Variants in FYN observed in about 807,000 individuals in gnomAD.
The protein encoded by FYN is tyrosine-protein kinase Fyn.
A neutral mutation model predicts 70.2 loss-of-function variants in FYN; 10 were observed. The ratio of observed to expected loss-of-function variants is 0.14; its 90% CI spans 0.09 to 0.24. The LOEUF (loss-of-function observed/expected upper bound fraction) is 0.24, where lower values mean the gene tolerates loss of function less well. Ranked by LOEUF, FYN falls within the 10% of genes least tolerant of loss-of-function variation. The pLI, the probability that FYN is intolerant of heterozygous loss-of-function variation, is 1.00. For synonymous variants in FYN, 236 were observed against 248.6 expected (o/e 0.95, Z 0.48); for missense variants, 319 against 673.1 (o/e 0.47, Z 5.82).
intron 2 of FYN, among the ~76,000 whole-genome samples, chr6:111,789,424 A>C (rs1421029048): frequency 6.6e-6 from 1 of 152,164 alleles, no homozygotes; most frequent in Non-Finnish European, 1.5e-5. Flanking sequence ...CCCCCAGGCA[A>C]TAGTAGTAGT....
At chr6:111,666,287 G>A (rs568076302) in intron 13 of FYN, among the ~76,000 whole-genome samples, 1 of 152,272 alleles carries the variant, frequency 6.6e-6, no homozygotes, top group East Asian at 1.9e-4. Flanking sequence ...TTCAACAGGA[G>A]GGGAGATCCT....
At chr6:111,735,742 C>A (rs1801681219) in intron 3 of FYN, among the ~76,000 whole-genome samples, 1 of 152,116 alleles carries the variant, frequency 6.6e-6, no homozygotes, top group African/African-American at 2.4e-5. Context: ...CTATGACTTC[C>A]TAAGTGGACC....
At chr6:111,699,332 T>A (rs943802971) in intron 9 of FYN, among the ~76,000 whole-genome samples, 2 of 152,082 alleles carry the variant, frequency 1.3e-5, no homozygotes, top group African/African-American at 2.4e-5. Context: ...ATTAACCACA[T>A]GAAGTAGGAC....
chr6:111,786,107 C>G (rs34637214), intron 2 of FYN, among the ~76,000 whole-genome samples: 1 of 151,586 alleles, frequency 6.6e-6, no homozygotes, highest in South Asian at 2.1e-4. Flanking sequence ...ATGTGCACAA[C>G]GTGCAGGTTT....
rs78392034 is a variant in FYN, at chr6:111,665,118, T to C, written c.1406-3171A>G. On this transcript the variant is annotated intron_variant, in intron 13 of 13. Transcript: ENST00000354650. ...GAGTATCCCTTCTCTGAAATGCTTA[T>C]GATCAGGAGTGTTTTAAATTTCAGA... is the stretch of plus-strand genomic sequence containing the variant. 1.0e-3 allele frequency among the ~76,000 whole-genome samples: 157 copies of C among 152,330 alleles called. 2 individuals are homozygous for C. In the East Asian group the frequency reaches 0.022, roughly 22 times the overall value.
At chr6:111,842,934 A>C (rs942667476) in intron 2 of FYN, among the ~76,000 whole-genome samples, 1 of 152,252 alleles carries the variant, frequency 6.6e-6, no homozygotes, top group Non-Finnish European at 1.5e-5. Context: ...TCACTCACTC[A>C]GAGGAAAAGT....
intron 3 of FYN, chr6:111,754,312 C>A (rs943120404): frequency 6.6e-6 from 1 of 152,184 alleles, no homozygotes; most frequent in South Asian, 2.1e-4. Flanking sequence ...TGACCCACAG[C>A]CAACTCCCGG....
chr6:111,808,333 T>C (rs1442294089), intron 2 of FYN, among the ~76,000 whole-genome samples: 1 of 152,162 alleles, frequency 6.6e-6, no homozygotes, highest in Non-Finnish European at 1.5e-5. Context: ...CCCCCTGGGC[T>C]AGTATTGAGG....
At chr6:111,833,893 T>C (rs1010348610) in intron 2 of FYN, among the ~76,000 whole-genome samples, 3 of 152,126 alleles carry the variant, frequency 2.0e-5, no homozygotes, top group Admixed American at 1.3e-4. Context: ...ACTATTTAAA[T>C]AGCAAAACTG....
chr6:111,862,891 G>A (rs995124871), intron 1 of FYN, among the ~76,000 whole-genome samples: 3 of 152,184 alleles, frequency 2.0e-5, no homozygotes, highest in African/African-American at 7.2e-5. Flanking sequence ...AGGGAAGGAC[G>A]GGGGATTCCG....
intron 2 of FYN, among the ~76,000 whole-genome samples, chr6:111,791,750 TGA>T (rs1275949212): frequency 2.0e-5 from 3 of 152,330 alleles, no homozygotes; most frequent in East Asian, 3.9e-4. Flanking sequence ...TCCAGAATCA[TGA>T]GAGAATAAAT....
chr6:111,677,876 A>G (rs763621692), intron 12 of FYN, among the ~76,000 whole-genome samples: 4 of 152,172 alleles, frequency 2.6e-5, no homozygotes, highest in African/African-American at 4.8e-5. Context: ...AGCAGGATTT[A>G]GATATGAAAA....
chr6:111,838,451 C>G (rs915872144), intron 2 of FYN, among the ~76,000 whole-genome samples: 6 of 152,196 alleles, frequency 3.9e-5, no homozygotes, highest in African/African-American at 9.7e-5. Flanking sequence ...AAACCCTGGT[C>G]CAAGTGATAA....
At chr6:111,699,539 CCT>C in intron 9 of FYN, 1 of 1,614,020 alleles carries the variant, frequency 6.2e-7, no homozygotes, top group Non-Finnish European at 8.5e-7. Context: ...GCGAAACACC[CCT>C]GACCCAGCTT....
intron 3 of FYN, chr6:111,760,073 A>C (rs983404985): frequency 2.6e-5 from 4 of 152,166 alleles, no homozygotes; most frequent in African/African-American, 9.7e-5. Context: ...ATATTTTACA[A>C]ATATGAAGTG....
rs528470847 is a variant in FYN, at chr6:111,729,350, T to C, written c.-11-9288A>G. Among the ~76,000 whole-genome samples, 640 of 152,006 alleles carry C rather than the reference T, an allele frequency of 4.2e-3. 1 individual carries two copies. Among genetic ancestry groups the C allele is most frequent in the African/African-American group, 0.015 (611 of 41,466 alleles). On this transcript the variant is annotated intron_variant, in intron 3 of 13. Transcript: ENST00000354650. Reference sequence around the variant, plus strand: ...TTAGATGGGTGTGGTGGCAGGCACCTGTAAACCTAGCTACTCGAGTGGCTG... The same window carrying C: ...TTAGATGGGTGTGGTGGCAGGCACCCGTAAACCTAGCTACTCGAGTGGCTG...
chr6:111,780,912 T>C (rs1350205917), intron 2 of FYN: 1 of 152,164 alleles, frequency 6.6e-6, no homozygotes, highest in Non-Finnish European at 1.5e-5. Context: ...CCCTTTGAAA[T>C]ATTTGAAGAC....
At chr6:111,788,292 T>C (rs181785165) in intron 2 of FYN, among the ~76,000 whole-genome samples, 216 of 152,338 alleles carry the variant, frequency 1.4e-3, no homozygotes, top group African/African-American at 5.0e-3. Flanking sequence ...TCTGACCCAA[T>C]GCCTTGCACA....
intron 2 of FYN, chr6:111,793,707 C>G (rs1310842980): frequency 6.6e-6 from 1 of 152,342 alleles, no homozygotes; most frequent in East Asian, 1.9e-4. Context: ...GGCTGTCCCC[C>G]AGTCTTGGGG....
Sources: gnomAD v4.1 joint callset for allele counts (sites outside exome capture counted in the v4.1 genomes callset) on GRCh38, gnomAD v4.1.1 for gene constraint, MANE v1.5 for transcripts, NCBI Gene and HGNC (gene_info 2026-07-23, HGNC 2026-07-21) for gene names.